PGAP1: variants seen among roughly 807,000 people sequenced by gnomAD.
The protein encoded by PGAP1 is post-GPI attachment to proteins inositol deacylase 1, also known as GPI inositol-deacylase.
In PGAP1, 76 loss-of-function variants were observed where a neutral mutation model predicts 127.0. The ratio of observed to expected loss-of-function variants is 0.60; its 90% CI spans 0.50 to 0.72. PGAP1 has a LOEUF of 0.72. Ranked by LOEUF, PGAP1 falls within the 30% of genes least tolerant of loss-of-function variation. The pLI is 0.00. For synonymous variants in PGAP1, 362 were observed against 366.5 expected, an observed-to-expected ratio of 0.99 and a Z score of 0.14; for missense variants, 982 against 1,071.3, an observed-to-expected ratio of 0.92 and a Z score of 1.16.
At chr2:196,868,757 T>C (rs979133015) in intron 19 of PGAP1, among the ~76,000 whole-genome samples, 2 of 152,202 alleles carry the variant, frequency 1.3e-5, no homozygotes, top group Non-Finnish European at 1.5e-5. Context: ...TTTAACTTTA[T>C]GAAAAGTTAT....
chr2:196,868,447 C>T (rs1559343323), intron 19 of PGAP1, among the ~76,000 whole-genome samples: 1 of 152,132 alleles, frequency 6.6e-6, no homozygotes, highest in Non-Finnish European at 1.5e-5. Flanking sequence ...AACTGGCCTC[C>T]CTGTCTCATA....
intron 5 of PGAP1, among the ~76,000 whole-genome samples, chr2:196,899,678 C>T (rs1702410513): frequency 6.6e-6 from 1 of 152,214 alleles, no homozygotes; most frequent in Non-Finnish European, 1.5e-5. Flanking sequence ...TAAATGTCTA[C>T]CAAAATCTAT....
At chr2:196,887,299 G>A (rs558772272) in intron 10 of PGAP1, among the ~76,000 whole-genome samples, 2 of 152,190 alleles carry the variant, frequency 1.3e-5, no homozygotes, top group African/African-American at 2.4e-5. Context: ...CAGGAGAATG[G>A]CATGAACCTG....
intron 10 of PGAP1, among the ~76,000 whole-genome samples, chr2:196,886,910 A>G (rs1559354761): frequency 6.6e-6 from 1 of 151,772 alleles, no homozygotes; most frequent in Non-Finnish European, 1.5e-5. Flanking sequence ...GTTGGCCAGG[A>G]TGGTCTCCAT....
At chr2:196,922,500 T>G in intron 1 of PGAP1, 1 of 980,624 alleles carries the variant, frequency 1.0e-6, no homozygotes, top group Non-Finnish European at 1.2e-6. Flanking sequence ...CAACTGAATT[T>G]TTCAGACTTG....
rs962600411 is a variant in PGAP1 at position 196,868,861 on chromosome 2, G to A, written c.1767+2080C>T. Among the ~76,000 whole-genome samples the A allele has an allele frequency of 2.0e-5, 3 of 152,046 alleles. No individual in the cohort carries two copies. The South Asian group carries it at 6.2e-4, about 32-fold the overall frequency. ...ATGTATTATTTTTTAAAACAAGTAA[G>A]ATATACAACTTTCATTCATTCTCTT... On this transcript the variant is annotated intron_variant, in intron 19 of 26. Coordinates refer to ENST00000354764, the MANE Select transcript of PGAP1 (RefSeq NM_024989.4).
At position 196,905,794 on chromosome 2, in the gene PGAP1, G is replaced by C. The variant is rs976265717; in HGVS notation, c.650-3052C>G. ...CGAGGCATTGCCTCACCTGGGAAGC[G>C]CAAGGGGTCAGGGAGTTCCCTTTCC... On this transcript the variant is annotated intron_variant, in intron 4 of 26. Coordinates refer to ENST00000354764, the MANE Select transcript of PGAP1 (RefSeq NM_024989.4). 1.3e-4 allele frequency among the ~76,000 whole-genome samples: 19 copies of C among 141,948 alleles called. 1 individual carries two copies. Among genetic ancestry groups the C allele is most frequent in the South Asian group, 4.9e-4 (2 of 4,094 alleles). The allele number at this position is 141,948 out of a possible 152,430, so 93.1% of individuals were successfully genotyped here. A position where few individuals can be genotyped will look rare whatever the true frequency, so the allele number is the denominator to read the frequency against.
chr2:196,887,795 A>G (rs1479143270), intron 10 of PGAP1, among the ~76,000 whole-genome samples: 1 of 152,234 alleles, frequency 6.6e-6, no homozygotes, highest in East Asian at 1.9e-4. Flanking sequence ...GTTTCTCTGT[A>G]GGCAAAATAC....
chr2:196,846,912 G>T, intron 22 of PGAP1, 91 bp downstream of exon 22: 1 of 1,086,366 alleles, frequency 9.2e-7, no homozygotes, highest in Non-Finnish European at 1.3e-6. Context: ...TTAGAAAATA[G>T]TTTAGTAAAA....
chr2:196,852,602 T>A (rs2125783190), intron 20 of PGAP1, among the ~76,000 whole-genome samples: 1 of 152,036 alleles, frequency 6.6e-6, no homozygotes, highest in Admixed American at 6.5e-5. Flanking sequence ...TGACAAAAAA[T>A]AATTTTGTCT....
chr2:196,885,892 C>A lies in PGAP1; in HGVS notation c.1174-12G>T. 1 of 1,384,680 alleles carries A rather than the reference C, an allele frequency of 7.2e-7. No individual in the cohort carries two copies. Among genetic ancestry groups the A allele is most frequent in the Non-Finnish European group, 9.4e-7 (1 of 1,062,968 alleles). The allele number at this position is 1,384,680 out of a possible 1,614,324, so 85.8% of individuals were successfully genotyped here. ...CAACTATTTGTATCCTGTTGATGAACAGCACAAAACAAAACACACTAAGTA... is the reference window on the plus strand; with the variant it reads ...CAACTATTTGTATCCTGTTGATGAAAAGCACAAAACAAAACACACTAAGTA... On this transcript the variant is annotated splice_polypyrimidine_tract_variant and intron_variant, in intron 10 of 26. Transcript: ENST00000354764.
chr2:196,905,753 G>A (rs1308632703), intron 4 of PGAP1, among the ~76,000 whole-genome samples: 5 of 146,218 alleles, frequency 3.4e-5, no homozygotes, highest in East Asian at 2.0e-4. Context: ...CGCACCGTGC[G>A]CGAGCCGAAG....
chr2:196,912,517 T>C (rs1469951327), intron 4 of PGAP1, among the ~76,000 whole-genome samples: 1 of 144,630 alleles, frequency 6.9e-6, no homozygotes, highest in Non-Finnish European at 1.5e-5. Flanking sequence ...GAGGTGGAGG[T>C]TGCAGTGAGC....
intron 13 of PGAP1, among the ~76,000 whole-genome samples, chr2:196,876,300 G>A (rs767235262): frequency 5.7e-4 from 86 of 152,034 alleles, no homozygotes; most frequent in Non-Finnish European, 6.3e-4. Context: ...AAAGCCTGCT[G>A]GAGAAATACT....
intron 12 of PGAP1, among the ~76,000 whole-genome samples, chr2:196,881,371 TG>T (rs1245203257): frequency 6.6e-6 from 1 of 152,230 alleles, no homozygotes; most frequent in Non-Finnish European, 1.5e-5. Context: ...TATATTCCTT[TG>T]GGTATACACC....
chr2:196,878,777 C>G (rs977947654), intron 13 of PGAP1, among the ~76,000 whole-genome samples: 63 of 152,244 alleles, frequency 4.1e-4, no homozygotes, highest in African/African-American at 1.4e-3. Context: ...CCCATTGTGG[C>G]CATCCTTTCA....
At position 196,884,475 on chromosome 2, in the gene PGAP1, A is replaced by G. The variant is rs76858724; in HGVS notation, c.1272+949T>C. 2.2e-4 allele frequency among the ~76,000 whole-genome samples: 33 copies of G among 152,312 alleles called. No individual in the cohort carries two copies. The East Asian group carries it at 6.4e-3, about 29-fold the overall frequency. On this transcript the variant is annotated intron_variant, in intron 12 of 26. Transcript: ENST00000354764. ...TAAGATTGACCAAGGTGACAAAAAA[A>G]TTGCAACCATTCCAAAGTGAAGTGT...
chr2:196,862,226 C>G (rs1195404682), intron 20 of PGAP1, among the ~76,000 whole-genome samples: 2 of 151,998 alleles, frequency 1.3e-5, no homozygotes, highest in African/African-American at 4.8e-5. Flanking sequence ...GACGGGCTCC[C>G]TGGGTGTGGC....
At position 196,840,336 on chromosome 2, in the gene PGAP1, C is replaced by T. The variant is rs946651571; in HGVS notation, c.*898G>A. ...CCACAGCAGAAAAAATGGTACAAAC[C>T]TAGAGTTTCCAACCACTGGAATTTA... On this transcript the variant is annotated 3_prime_UTR_variant, in exon 27 of 27. Transcript: ENST00000354764. 1 of 151,892 alleles carries T rather than the reference C, an allele frequency of 6.6e-6. No homozygotes were observed. The highest frequency in any genetic ancestry group is 1.9e-4 in the East Asian group (1 of 5,156). 9.4% of individuals were successfully genotyped at this position (151,892 alleles called of 1,614,324 possible). A position where few individuals can be genotyped will look rare whatever the true frequency, so the allele number is the denominator to read the frequency against.
Sources: allele counts gnomAD v4.1 joint callset (sites outside exome capture counted in the v4.1 genomes callset), GRCh38; gene constraint gnomAD v4.1.1; transcripts MANE v1.5; gene names NCBI Gene and HGNC (gene_info 2026-07-23, HGNC 2026-07-21).